DGCR8: variants seen among roughly 807,000 people sequenced by gnomAD.
DGCR8 encodes the protein DGCR8 microprocessor complex subunit.
A neutral mutation model predicts 78.5 loss-of-function variants in DGCR8; 14 were observed. The observed-to-expected ratio is 0.18, with a 90% CI of 0.12 to 0.28. The LOEUF is 0.28. Among genes scored for constraint, DGCR8 ranks in the 10% least tolerant of loss-of-function variants. DGCR8 has a pLI of 1.00. For missense variants in DGCR8, 702 were observed against 1,022.5 expected, an observed-to-expected ratio of 0.69 and a Z score of 4.28; for synonymous variants, 399 against 402.4, an observed-to-expected ratio of 0.99 and a Z score of 0.10.
In DGCR8 at chr22:20,106,598, T is replaced by C. The variant is rs757895806; in HGVS notation, c.1896T>C (p.His632=). 8 of 1,612,118 alleles carry C rather than the reference T, an allele frequency of 5.0e-6. No individual in the cohort carries two copies. The East Asian group carries it at 1.6e-4, about 31-fold the overall frequency. Residue 632 remains histidine (H), a synonymous_variant, in exon 11 of 14, where the codon CAT becomes CAC. Coordinates refer to ENST00000351989, the MANE Select transcript of DGCR8 (RefSeq NM_022720.7). ...QILHECLKRN[H]GMGDTSIKFE... is the part of the protein sequence containing the mutation. ...TGTCTGTTTTCTCTTAAAGAAACCA[T>C]GGGATGGGTGACACGTCTATCAAGT...
rs2049464117 is a variant in DGCR8, at chr22:20,085,061, C to G, written c.-277-626C>G. 1 of 984,122 alleles carries G rather than the reference C, an allele frequency of 1.0e-6. No homozygotes were observed. Among genetic ancestry groups the G allele is most frequent in the Non-Finnish European group, 1.2e-6 (1 of 828,744 alleles). The allele number at this position is 984,122 out of a possible 1,614,324, so 61.0% of individuals were successfully genotyped here. On this transcript the variant is annotated intron_variant, in intron 1 of 13. Coordinates refer to ENST00000351989, the MANE Select transcript of DGCR8 (RefSeq NM_022720.7). The surrounding 1 kb of genome is among the most constrained non-coding windows in gnomAD (Gnocchi z 6.2). The stretch of plus-strand genomic sequence containing the variant: ...GGTCCCTTCCCCACAGCCACCCACC[C>G]CTCTCCTCCATCGGGAACAGAACTA...
At chr22:20,096,858 G>C (rs978493811) in intron 9 of DGCR8, among the ~76,000 whole-genome samples, 11 of 152,064 alleles carry the variant, frequency 7.2e-5, no homozygotes, top group African/African-American at 2.7e-4. Flanking sequence ...TTTGTTCCTG[G>C]TTTGCTGAGA....
chr22:20,108,713 C>T (rs139792675), intron 12 of DGCR8, 177 bp from the exon 13 acceptor site: 102 of 477,684 alleles, frequency 2.1e-4, no homozygotes, highest in African/African-American at 1.9e-3. Context: ...GTGGGCCTGG[C>T]ATCACTGAGG....
rs767420347 is a variant in DGCR8, at chr22:20,106,206, G to A, written c.1818G>A (p.Ser606=). ...TTAACCACATCAGCATCGAGGACTC[G>A]CGGGTCTACGAGCTGACCAGCAAGG... The part of the protein sequence containing the change: ...EYFNHISIED[S]RVYELTSKAG... The change falls in exon 10 of 14, where the codon TCG becomes TCA. Residue 606 remains serine, a synonymous_variant. Transcript: ENST00000351989. 1.2e-5 allele frequency: 19 copies of A among 1,614,038 alleles called. No individual in the cohort carries two copies. Among genetic ancestry groups the A allele is most frequent in the East Asian group, 1.1e-4 (5 of 44,874 alleles).
chr22:20,106,051 G>T (rs2049765962), intron 9 of DGCR8, 126 bp from the exon 10 acceptor site: 2 of 697,984 alleles, frequency 2.9e-6, no homozygotes, highest in Non-Finnish European at 5.1e-6. Flanking sequence ...CAGAGTTGAG[G>T]TATGAAGTGC....
At chr22:20,081,254 A>G (rs1274435493) in intron 1 of DGCR8, among the ~76,000 whole-genome samples, 3 of 152,258 alleles carry the variant, frequency 2.0e-5, no homozygotes, top group African/African-American at 7.2e-5. Flanking sequence ...GGCAGCCTCC[A>G]TGGCGCTGGC....
Position 20,086,136 on chromosome 22 carries a change from A to T in DGCR8, c.173A>T (p.Gln58Leu). 6.2e-7 allele frequency: 1 copy of T among 1,614,182 alleles called. No individual in the cohort carries two copies. Among genetic ancestry groups the T allele is most frequent in the Non-Finnish European group, 8.5e-7 (1 of 1,180,030 alleles). ...GACGTTGGCTCTGGTGGTGATGGAC[A>T]GTCCGAACTCCCTGCTGAGGACCCC... The part of the protein sequence containing the change: ...VMDVGSGGDG[Q>L]SELPAEDPFN... The change falls in exon 2 of 14, where the codon CAG becomes CTG. Residue 58 changes from glutamine to leucine, a missense_variant. Physicochemically the swap from Gln to Leu is moderately radical, Grantham distance 113 (BLOSUM62 -2). Around this residue, in one of 4 missense-constraint regions of DGCR8, gnomAD observed 356 missense variants for 448.9 expected, o/e 0.79. Transcript: ENST00000351989. This position sits in a 1 kb window ranked among gnomAD's most constrained non-coding sequence, Gnocchi z 6.4.
rs778796867 is a variant in DGCR8 at position 20,086,425 on chromosome 22, T to C, written c.462T>C (p.Pro154=). Reference sequence around the variant, plus strand: ...CGGAGTGCGGTCTGCTCCTTAGCCCTGTCAGTGGGGACGTGCATGCTTGTC... The same window carrying C: ...CGGAGTGCGGTCTGCTCCTTAGCCCCGTCAGTGGGGACGTGCATGCTTGTC... ...VRAECGLLLS[P]VSGDVHACPF... is the part of the protein sequence containing the mutation. The change falls in exon 2 of 14, where the codon CCT becomes CCC. Residue 154 remains proline (P), a synonymous_variant. Coordinates refer to ENST00000351989, the MANE Select transcript of DGCR8 (RefSeq NM_022720.7). The surrounding 1 kb of genome is among the most constrained non-coding windows in gnomAD (Gnocchi z 6.4). The C allele has an allele frequency of 6.2e-7, 1 of 1,613,966 alleles. No homozygotes were observed. The highest frequency in any genetic ancestry group is 1.1e-5 in the South Asian group (1 of 91,072).
chr22:20,098,155 AT>A (rs887450428), intron 9 of DGCR8, among the ~76,000 whole-genome samples: 108 of 142,448 alleles, frequency 7.6e-4, no homozygotes, highest in African/African-American at 1.6e-3. Context: ...AAGAAAAAAA[AT>A]ATATATATAT....
chr22:20,084,293 G>A (rs144747613), intron 1 of DGCR8, among the ~76,000 whole-genome samples: 4 of 152,308 alleles, frequency 2.6e-5, no homozygotes, highest in East Asian at 1.9e-4. Flanking sequence ...CATGCAGTGC[G>A]GTTTGCATGT....
chr22:20,109,898 G>A (rs1470556175), intron 13 of DGCR8, 127 bp from the exon 14 acceptor site: 1 of 860,810 alleles, frequency 1.2e-6, no homozygotes, highest in Non-Finnish European at 1.8e-6. Flanking sequence ...GGCATCACAA[G>A]CACTGGTGCC....
intron 9 of DGCR8, among the ~76,000 whole-genome samples, chr22:20,100,102 C>T (rs1337234710): frequency 6.6e-6 from 1 of 152,104 alleles, no homozygotes; most frequent in Admixed American, 6.5e-5. Context: ...GAGTCTCGCT[C>T]TGTTGCCAGG....
chr22:20,082,884 TC>T (rs75051956), intron 1 of DGCR8, among the ~76,000 whole-genome samples: 7,448 of 152,300 alleles, frequency 0.049, 232 homozygotes, highest in South Asian at 0.1. Flanking sequence ...GCCACTGCTA[TC>T]CTGGAATCAG....
At position 20,087,369 on chromosome 22, in the gene DGCR8, G is replaced by T; in HGVS notation, c.880+48G>T. ...GTGGGTGTTCCAGGGCAGTGGAGGG[G>T]TGGTTGCTTCCTTAGCAGAAATGCT... On this transcript the variant is annotated intron_variant, in intron 3 of 13. Coordinates refer to ENST00000351989, the MANE Select transcript of DGCR8 (RefSeq NM_022720.7). The surrounding 1 kb of genome is among the most constrained non-coding windows in gnomAD (Gnocchi z 4.1). The T allele has an allele frequency of 6.5e-7, 1 of 1,545,212 alleles. No individual in the cohort carries two copies. The highest frequency in any genetic ancestry group is 8.8e-7 in the Non-Finnish European group (1 of 1,140,930).
intron 1 of DGCR8, among the ~76,000 whole-genome samples, chr22:20,081,457 C>T (rs916423064): frequency 2.0e-5 from 3 of 152,204 alleles, no homozygotes; most frequent in Non-Finnish European, 4.4e-5. Flanking sequence ...TCAGCTGGAG[C>T]AGTGGGGAGG....
intron 9 of DGCR8, chr22:20,101,667 T>G (rs1483839655): frequency 1.0e-6 from 1 of 984,366 alleles, no homozygotes; most frequent in Non-Finnish European, 1.2e-6. Flanking sequence ...CGTTGTAGGG[T>G]GGTGGGGGTG....
In DGCR8 at chr22:20,107,778, C is replaced by T. The variant is rs2049788056; in HGVS notation, c.2124+380C>T. ...CCTGCTTGAAGGAGAGCGAGTGTGT[C>T]AGGGTAGCTCTCCCTGGTACCAGTG... On this transcript the variant is annotated intron_variant, in intron 12 of 13. Transcript: ENST00000351989. 3 of 275,130 alleles carry T rather than the reference C, an allele frequency of 1.1e-5. No homozygotes were observed. In the South Asian group the frequency reaches 1.2e-4, roughly 11 times the overall value. 17.0% of individuals were successfully genotyped at this position (275,130 alleles called of 1,614,324 possible).
rs2049476013 is a variant in DGCR8 at position 20,085,923 on chromosome 22, T to A, written c.-41T>A. On this transcript the variant is annotated 5_prime_UTR_variant, in exon 2 of 14. Coordinates refer to ENST00000351989, the MANE Select transcript of DGCR8 (RefSeq NM_022720.7). The surrounding 1 kb of genome is among the most constrained non-coding windows in gnomAD (Gnocchi z 6.2). ...CTGTGTAGATTTATGTGAGGGCTTG[T>A]AAAACTCTGGTCTTGTAAACTAGTC... The A allele has an allele frequency of 6.6e-7, 1 of 1,513,824 alleles. No individual in the cohort carries two copies. The highest frequency in any genetic ancestry group is 8.8e-7 in the Non-Finnish European group (1 of 1,137,780). 93.8% of individuals were successfully genotyped at this position (1,513,824 alleles called of 1,614,324 possible). A position where few individuals can be genotyped will look rare whatever the true frequency, so the allele number is the denominator to read the frequency against.
Position 20,080,639 on chromosome 22 carries a change from C to T in DGCR8, c.-278+256C>T, listed in dbSNP as rs958104978. The T allele has an allele frequency of 1.3e-4, 41 of 326,924 alleles. No homozygotes were observed. The Admixed American group carries it at 1.3e-3, about 10-fold the overall frequency. The allele number at this position is 326,924 out of a possible 1,614,324, so 20.3% of individuals were successfully genotyped here. A position where few individuals can be genotyped will look rare whatever the true frequency, so the allele number is the denominator to read the frequency against. The stretch of plus-strand genomic sequence containing the variant: ...CGCTGTCCGCCCGGGTAAAGAGGCT[C>T]CTCTCCCGGAGGGCCCGAAGCCTAG... On this transcript the variant is annotated intron_variant, in intron 1 of 13. Transcript: ENST00000351989.
Sources: allele counts gnomAD v4.1 joint callset (sites outside exome capture counted in the v4.1 genomes callset), GRCh38; gene constraint gnomAD v4.1.1; regional missense constraint gnomAD v4.1.1; non-coding constraint Gnocchi (gnomAD v3.1); transcripts MANE v1.5; gene names NCBI Gene and HGNC (gene_info 2026-07-23, HGNC 2026-07-21).